Variants in LTBP1 observed in about 807,000 individuals in gnomAD.
The protein encoded by LTBP1 is latent transforming growth factor beta binding protein 1.
A neutral mutation model predicts 207.6 loss-of-function variants in LTBP1; 129 were observed. That is an observed-to-expected ratio of 0.62 (90% CI 0.54 to 0.72). The LOEUF (loss-of-function observed/expected upper bound fraction) is 0.72, where lower values mean the gene tolerates loss of function less well. Among genes scored for constraint, LTBP1 ranks in the 30% least tolerant of loss-of-function variants. The pLI, the probability that LTBP1 is intolerant of heterozygous loss-of-function variation, is 0.00. For missense variants in LTBP1, 2,281 were observed against 2,217.2 expected, an observed-to-expected ratio of 1.03 and a Z score of -0.58; for synonymous variants, 963 against 833.7, an observed-to-expected ratio of 1.16 and a Z score of -2.67.
chr2:33,115,225 G>C (rs1343516557), intron 4 of LTBP1, among the ~76,000 whole-genome samples: 5 of 152,122 alleles, frequency 3.3e-5, no homozygotes, highest in Admixed American at 3.3e-4. Flanking sequence ...CAAGCCAAGT[G>C]AAAGATTCCA....
intron 9 of LTBP1, among the ~76,000 whole-genome samples, chr2:33,243,072 G>A (rs764214766): frequency 1.3e-5 from 2 of 152,082 alleles, no homozygotes; most frequent in Non-Finnish European, 2.9e-5. Context: ...TCCCACACAA[G>A]TCATTCCTTC....
At chr2:33,128,001 A>G (rs918627510) in intron 4 of LTBP1, among the ~76,000 whole-genome samples, 4 of 152,182 alleles carry the variant, frequency 2.6e-5, no homozygotes, top group Non-Finnish European at 4.4e-5. Context: ...TGATTTTGTC[A>G]GAAATATTTG....
chr2:33,029,543 A>G (rs219210), intron 3 of LTBP1, among the ~76,000 whole-genome samples: 71,515 of 152,114 alleles, frequency 0.47, 19,119 homozygotes, highest in East Asian at 0.69. Context: ...AATTAGGGAC[A>G]ACTTTCCCTT....
Position 33,020,894 on chromosome 2 carries a change from G to C in LTBP1, c.566-15G>C, listed in dbSNP as rs1332153371. Reference sequence around the variant, plus strand: ...GTTGTTCTTCAAAGCTGTGCCTTCTGTTTTCTTTCTGCAGCTAGCTGTGTT... The same window carrying C: ...GTTGTTCTTCAAAGCTGTGCCTTCTCTTTTCTTTCTGCAGCTAGCTGTGTT... On this transcript the variant is annotated splice_polypyrimidine_tract_variant and intron_variant, in intron 2 of 33. Transcript: ENST00000404816. 1.9e-6 allele frequency: 3 copies of C among 1,558,168 alleles called. No individual in the cohort carries two copies. The highest frequency in any genetic ancestry group is 2.4e-5 in the South Asian group (2 of 81,958).
At chr2:33,309,309 G>T (rs925447513) in intron 22 of LTBP1, 125 bp from the exon 23 acceptor site, 28 of 547,722 alleles carry the variant, frequency 5.1e-5, no homozygotes, top group Non-Finnish European at 7.1e-5. Flanking sequence ...TTAAAAAGTT[G>T]TCATGTATTT....
chr2:33,338,711 G>A (rs1302890415), intron 24 of LTBP1, among the ~76,000 whole-genome samples: 2 of 152,076 alleles, frequency 1.3e-5, no homozygotes, highest in Non-Finnish European at 1.5e-5. Flanking sequence ...GGAAAGGGGT[G>A]GCATGGAGAT....
chr2:33,184,226 A>G (rs2086950433), intron 5 of LTBP1, among the ~76,000 whole-genome samples: 1 of 152,108 alleles, frequency 6.6e-6, no homozygotes. Context: ...ATCTTCCTGG[A>G]ACACTCTTGC....
chr2:33,227,402 T>G (rs1487413655), intron 9 of LTBP1, among the ~76,000 whole-genome samples: 1 of 152,242 alleles, frequency 6.6e-6, no homozygotes, highest in Non-Finnish European at 1.5e-5. Context: ...TGTATTATAA[T>G]TCCTAGAGCA....
intron 5 of LTBP1, among the ~76,000 whole-genome samples, chr2:33,177,610 G>A (rs931475343): frequency 2.0e-5 from 3 of 151,818 alleles, no homozygotes; most frequent in African/African-American, 7.3e-5. Context: ...GGACATTGCG[G>A]TGAGCCGAGA....
intron 3 of LTBP1, among the ~76,000 whole-genome samples, chr2:33,041,989 C>A (rs2076209474): frequency 6.6e-6 from 1 of 152,118 alleles, no homozygotes. Context: ...TTTAGTTGCT[C>A]CACATCCTCA....
intron 31 of LTBP1, among the ~76,000 whole-genome samples, chr2:33,377,648 C>G (rs949906947): frequency 6.6e-6 from 1 of 152,158 alleles, no homozygotes; most frequent in Non-Finnish European, 1.5e-5. Context: ...TTCAGGCATG[C>G]ATGTAAACAA....
chr2:33,155,107 A>T (rs2083860468), intron 5 of LTBP1, among the ~76,000 whole-genome samples: 1 of 152,148 alleles, frequency 6.6e-6, no homozygotes, highest in Non-Finnish European at 1.5e-5. Flanking sequence ...TTTTCCCAGC[A>T]ATATATGAAC....
chr2:32,951,417 G>A (rs927185208), intron 2 of LTBP1, among the ~76,000 whole-genome samples: 1 of 152,210 alleles, frequency 6.6e-6, no homozygotes, highest in Non-Finnish European at 1.5e-5. Flanking sequence ...TAAAAGAGGG[G>A]ACTTACTTTG....
chr2:33,119,092 G>A (rs1224657872), intron 4 of LTBP1, among the ~76,000 whole-genome samples: 1 of 152,022 alleles, frequency 6.6e-6, no homozygotes, highest in Non-Finnish European at 1.5e-5. Flanking sequence ...CAAATTCAAG[G>A]ACATTTCTGG....
At chr2:33,086,813 T>C (rs2078780320) in intron 3 of LTBP1, among the ~76,000 whole-genome samples, 1 of 152,190 alleles carries the variant, frequency 6.6e-6, no homozygotes. Flanking sequence ...CCTTGTCTCG[T>C]TGGGCCACCT....
intron 7 of LTBP1, among the ~76,000 whole-genome samples, chr2:33,203,966 T>C (rs182159748): frequency 8.5e-4 from 130 of 152,338 alleles, no homozygotes; most frequent in African/African-American, 3.0e-3. Flanking sequence ...TCAGGATTTA[T>C]AGCTGGTATT....
intron 24 of LTBP1, among the ~76,000 whole-genome samples, chr2:33,334,409 A>G (rs997773831): frequency 1.3e-5 from 2 of 152,196 alleles, no homozygotes; most frequent in Admixed American, 6.5e-5. Flanking sequence ...ATTGTGGGAG[A>G]TGAATTTGGG....
intron 7 of LTBP1, among the ~76,000 whole-genome samples, chr2:33,209,742 C>G (rs559727391): frequency 2.0e-5 from 3 of 152,154 alleles, no homozygotes; most frequent in Non-Finnish European, 4.4e-5. Context: ...CGAATAACTA[C>G]TAGATTAATT....
chr2:33,308,824 CAGA>C (rs1244932207), intron 22 of LTBP1, among the ~76,000 whole-genome samples: 2 of 152,074 alleles, frequency 1.3e-5, no homozygotes, highest in Admixed American at 1.3e-4. Flanking sequence ...ATGCATAATA[CAGA>C]AGCTTGTATA....
Sources: gnomAD v4.1 joint callset for allele counts (sites outside exome capture counted in the v4.1 genomes callset) on GRCh38, gnomAD v4.1.1 for gene constraint, MANE v1.5 for transcripts, NCBI Gene and HGNC (gene_info 2026-07-23, HGNC 2026-07-21) for gene names.